The following TARBP2 variants were observed in gnomAD, a reference collection of about 807,000 sequenced individuals.
The protein encoded by TARBP2 is RISC-loading complex subunit TARBP2.
A neutral mutation model predicts 40.4 loss-of-function variants in TARBP2; 23 were observed. That is an observed-to-expected ratio of 0.57 (90% CI 0.41 to 0.81). The LOEUF (loss-of-function observed/expected upper bound fraction) is 0.81, where lower values mean the gene tolerates loss of function less well. Among genes scored for constraint, TARBP2 ranks in the 30% least tolerant of loss-of-function variants. TARBP2 has a pLI of 0.00. For synonymous variants in TARBP2, 183 were observed against 190.5 expected (o/e 0.96, Z 0.32); for missense variants, 358 against 473.7 (o/e 0.76, Z 2.27).
chr12:53,503,980 C>T (rs1222213027), intron 4 of TARBP2, 172 bp downstream of exon 4: 1 of 621,730 alleles, frequency 1.6e-6, no homozygotes, highest in African/African-American at 1.8e-5. Context: ...GCTCTTGGGA[C>T]AAGAGGTCAT....
chr12:53,502,737 G>T, intron 2 of TARBP2: 1 of 272,926 alleles, frequency 3.7e-6, no homozygotes, highest in Non-Finnish European at 7.0e-6. Context: ...ATTTATTGAG[G>T]GAAAAGAAAG....
chr12:53,501,300 G>C lies in TARBP2; in HGVS notation c.-109G>C. On this transcript the variant is annotated 5_prime_UTR_variant, in exon 1 of 9. Transcript: ENST00000266987. The stretch of plus-strand genomic sequence containing the variant: ...CATATCCCAGCGTGCCCCGCGGCGG[G>C]CCCTACCGGCCGCGACTCCGGGCTT... 7.9e-7 allele frequency: 1 copy of C among 1,273,348 alleles called. No individual in the cohort carries two copies. Among genetic ancestry groups the C allele is most frequent in the Middle Eastern group, 2.4e-4 (1 of 4,212 alleles). The allele number at this position is 1,273,348 out of a possible 1,614,324, so 78.9% of individuals were successfully genotyped here.
intron 2 of TARBP2, 190 bp downstream of exon 2, chr12:53,502,374 A>G: frequency 4.2e-6 from 3 of 707,060 alleles, no homozygotes; most frequent in South Asian, 3.8e-5. Context: ...TGGGAGAGTT[A>G]GAGGAGCGAG....
At chr12:53,502,266 A>T (rs1943747318) in intron 2 of TARBP2, 82 bp downstream of exon 2, 1 of 1,515,464 alleles carries the variant, frequency 6.6e-7, no homozygotes, top group Non-Finnish European at 8.9e-7. Context: ...CTCTCTTCAC[A>T]GTCCTTTTCT....
In TARBP2 at chr12:53,505,993, G is replaced by C; in HGVS notation, c.946G>C (p.Glu316Gln). The C allele has an allele frequency of 6.2e-7, 1 of 1,613,796 alleles. No homozygotes were observed. The highest frequency in any genetic ancestry group is 8.5e-7 in the Non-Finnish European group (1 of 1,179,810). ...CCCTCCTCTCTCTTGCTCTCCAGAG[G>C]AGCTGAGCCTGAGTGGACTCTGCCA... is the stretch of plus-strand genomic sequence containing the variant. Reference protein sequence around the residue: ...AFHVSYLDIEELSLSGLCQCL... With the variant: ...AFHVSYLDIEQLSLSGLCQCL... Residue 316 changes from glutamate (E) to glutamine (Q), a missense_variant and splice_region_variant, in exon 9 of 9, where the codon GAG becomes CAG. Around this residue, in one of 3 missense-constraint regions of TARBP2, gnomAD observed 317 missense variants for 422.9 expected, o/e 0.75. Coordinates refer to ENST00000266987, the MANE Select transcript of TARBP2 (RefSeq NM_134323.2). The surrounding 1 kb of genome is among the most constrained non-coding windows in gnomAD (Gnocchi z 4.5).
Position 53,501,952 on chromosome 12 carries a change from A to T in TARBP2, c.54-63A>T. On this transcript the variant is annotated intron_variant, in intron 1 of 8. Coordinates refer to ENST00000266987, the MANE Select transcript of TARBP2 (RefSeq NM_134323.2). ...ATAATGTGCCTAGGTCTGGTATGGA[A>T]GTGCTTGGCTAGGTGGGTGCAGAGA... is the stretch of plus-strand genomic sequence containing the variant. 7 of 1,597,002 alleles carry T rather than the reference A, an allele frequency of 4.4e-6. No homozygotes were observed. In the South Asian group the frequency reaches 5.6e-5, roughly 13 times the overall value.
Position 53,505,831 on chromosome 12 carries a change from C to T in TARBP2, c.924C>T (p.His308=), listed in dbSNP as rs370082621. ...AGCTCTCTGAGGAGCAGGCCTTTCA[C>T]GTCAGCTACCTGGATATTGGTATGG... is the stretch of plus-strand genomic sequence containing the variant. The part of the protein sequence containing the change: ...LSELSEEQAF[H]VSYLDIEELS... Residue 308 remains histidine (H), a synonymous_variant, in exon 8 of 9, where the codon CAC becomes CAT. Transcript: ENST00000266987. This position sits in a 1 kb window ranked among gnomAD's most constrained non-coding sequence, Gnocchi z 4.5. 2.0e-4 allele frequency: 330 copies of T among 1,613,942 alleles called. 2 individuals are homozygous for T. In the South Asian group the frequency reaches 2.2e-3, roughly 11 times the overall value.
At position 53,502,112 on chromosome 12, in the gene TARBP2, C is replaced by T. The variant is rs1382746266; in HGVS notation, c.151C>T (p.Leu51Phe). Residue 51 changes from leucine to phenylalanine, a missense_variant, in exon 2 of 9, where the codon CTC (leucine) becomes TTC (phenylalanine). Physicochemically the swap from Leu to Phe is conservative, Grantham distance 22. Around this residue, in one of 3 missense-constraint regions of TARBP2, gnomAD observed 317 missense variants for 422.9 expected, o/e 0.75. Coordinates refer to ENST00000266987, the MANE Select transcript of TARBP2 (RefSeq NM_134323.2). ...RIGKTPVYDL[L>F]KAEGQAHQPN... is the part of the protein sequence containing the mutation. ...AGGGAAGACGCCTGTGTACGACCTTCTCAAAGCCGAGGGCCAAGCCCACCA... is the reference window on the plus strand; with the variant it reads ...AGGGAAGACGCCTGTGTACGACCTTTTCAAAGCCGAGGGCCAAGCCCACCA... The T allele has an allele frequency of 6.2e-7, 1 of 1,614,212 alleles. No individual in the cohort carries two copies. The highest frequency in any genetic ancestry group is 8.5e-7 in the Non-Finnish European group (1 of 1,180,038).
intron 2 of TARBP2, 136 bp from the exon 3 acceptor site, chr12:53,502,891 C>A: frequency 1.3e-6 from 1 of 783,940 alleles, no homozygotes; most frequent in Non-Finnish European, 1.9e-6. Context: ...GAAACACTTC[C>A]AGTCTTCAGC....
intron 1 of TARBP2, chr12:53,501,785 C>G (rs1943722374): frequency 1.5e-6 from 2 of 1,374,080 alleles, no homozygotes; most frequent in South Asian, 1.5e-5. Flanking sequence ...AGGATCGTGC[C>G]CACCTTAACT....
At position 53,504,378 on chromosome 12, in the gene TARBP2, C is replaced by A; in HGVS notation, c.423-19C>A. 6.5e-7 allele frequency: 1 copy of A among 1,548,748 alleles called. No individual in the cohort carries two copies. The highest frequency in any genetic ancestry group is 1.3e-5 in the South Asian group (1 of 78,660). On this transcript the variant is annotated intron_variant, in intron 4 of 8. Coordinates refer to ENST00000266987, the MANE Select transcript of TARBP2 (RefSeq NM_134323.2). The stretch of plus-strand genomic sequence containing the variant: ...TGGAACCCTTCACCTCAACTTTGGC[C>A]CTGTGCCTTTTCCTTCAGGAGCCCC...
chr12:53,505,188 C>A lies in TARBP2; in HGVS notation c.667C>A (p.Leu223Ile). The A allele has an allele frequency of 6.2e-7, 1 of 1,611,982 alleles. No individual in the cohort carries two copies. The highest frequency in any genetic ancestry group is 8.5e-7 in the Non-Finnish European group (1 of 1,178,204). Reference sequence around the variant, plus strand: ...GCGGAATGCGGCGGCCAAAATGCTGCTTCGAGTGCACACGGTGCCTCTGGA... The same window carrying A: ...GCGGAATGCGGCGGCCAAAATGCTGATTCGAGTGCACACGGTGCCTCTGGA... The part of the protein sequence containing the change: ...AKRNAAAKML[L>I]RVHTVPLDAR... The change falls in exon 7 of 9, where the codon CTT (leucine) becomes ATT (isoleucine). Residue 223 changes from leucine to isoleucine, a missense_variant. This residue lies in a region of TARBP2 where 317 missense variants were observed against 422.9 expected (regional missense o/e 0.75). Coordinates refer to ENST00000266987, the MANE Select transcript of TARBP2 (RefSeq NM_134323.2). The surrounding 1 kb of genome is among the most constrained non-coding windows in gnomAD (Gnocchi z 4.5).
chr12:53,501,857 C>T, intron 1 of TARBP2, 158 bp from the exon 2 acceptor site: 2 of 1,349,490 alleles, frequency 1.5e-6, no homozygotes, highest in Non-Finnish European at 2.0e-6. Flanking sequence ...CTTTTCCAGC[C>T]TGCACCTCCA....
intron 1 of TARBP2, 131 bp from the exon 2 acceptor site, chr12:53,501,884 T>C: frequency 2.1e-6 from 3 of 1,419,060 alleles, no homozygotes; most frequent in Non-Finnish European, 2.8e-6. Context: ...ACCCAGCCAA[T>C]GGATGCTAGA....
Position 53,506,074 on chromosome 12 carries a change from ACCAGGGAGGCAGC to A in TARBP2, c.1030_1042del (p.Arg344ValfsTer57). On this transcript the variant is annotated frameshift_variant, in exon 9 of 9. Transcript: ENST00000266987. LOFTEE classifies it high-confidence loss of function. Reference sequence around the variant, plus strand: ...CACTGTGTGTCATGGCTCTGCAACCACCAGGGAGGCAGCCCGTGGTGAGGCTGCCCGCCGTGCC... The same window carrying A: ...CACTGTGTGTCATGGCTCTGCAACCACCGTGGTGAGGCTGCCCGCCGTGCC... 1 of 1,613,974 alleles carries A rather than the reference ACCAGGGAGGCAGC, an allele frequency of 6.2e-7. No homozygotes were observed. The highest frequency in any genetic ancestry group is 8.5e-7 in the Non-Finnish European group (1 of 1,179,998).
chr12:53,501,839 G>A (rs1943727228), intron 1 of TARBP2, 176 bp from the exon 2 acceptor site: 2 of 1,308,506 alleles, frequency 1.5e-6, no homozygotes, highest in Non-Finnish European at 2.0e-6. Context: ...TTGGGGTAGT[G>A]GGCCCTACTT....
rs1337225186 is a variant in TARBP2 at position 53,504,415 on chromosome 12, G to A, written c.441G>A (p.Leu147=). The A allele has an allele frequency of 1.2e-6, 2 of 1,602,752 alleles. No individual in the cohort carries two copies. The highest frequency in any genetic ancestry group is 2.2e-5 in the East Asian group (1 of 44,648). The change falls in exon 5 of 9, where the codon CTG becomes CTA. Residue 147 remains leucine, a synonymous_variant. Transcript: ENST00000266987. ...CCTTCAGGAGCCCCCCCATGGAACT[G>A]CAGCCCCCTGTCTCCCCTCAGCAGT... ...VVLTRSPPME[L]QPPVSPQQSE... is the part of the protein sequence containing the mutation.
intron 3 of TARBP2, chr12:53,503,402 G>C (rs1347912809): frequency 1.5e-6 from 1 of 654,888 alleles, no homozygotes; most frequent in Non-Finnish European, 2.4e-6. Context: ...AGGCTAAAGG[G>C]AGTTACTCCC....
intron 2 of TARBP2, chr12:53,502,777 G>A (rs751245205): frequency 3.0e-5 from 11 of 365,174 alleles, no homozygotes; most frequent in Non-Finnish European, 3.0e-5. Flanking sequence ...AAGCATTTGC[G>A]CTCAGAAGTC....
Sources: gnomAD v4.1 joint callset for allele counts on GRCh38, gnomAD v4.1.1 for gene constraint, gnomAD v4.1.1 regional missense constraint, Gnocchi (gnomAD v3.1) non-coding constraint, MANE v1.5 for transcripts, NCBI Gene and HGNC (gene_info 2026-07-23, HGNC 2026-07-21) for gene names.